AFG2A: variants seen among roughly 807,000 people sequenced by gnomAD.
AFG2A encodes the protein AAA ATPase AFG2A, also known as ATPase family gene 2 protein homolog A.
chr4:123,046,949 C>T, the AFG2A span, among the ~76,000 whole-genome samples: 356 of 152,212 alleles, frequency 2.3e-3, no homozygotes, highest in Non-Finnish European at 3.8e-3. Flanking sequence ...ATTTTATCTG[C>T]GTTGCTGCAG....
At chr4:123,048,984 A>G in the AFG2A span, among the ~76,000 whole-genome samples, 1 of 152,020 alleles carries the variant, frequency 6.6e-6, no homozygotes, top group Non-Finnish European at 1.5e-5. Context: ...GTTCCATATG[A>G]TAGTAGCTAT....
chr4:123,077,534 G>T, the AFG2A span, among the ~76,000 whole-genome samples: 2 of 152,168 alleles, frequency 1.3e-5, no homozygotes, highest in African/African-American at 4.8e-5. Context: ...TCACAGCACA[G>T]CAAGCAGCAA....
At chr4:123,302,083 G>A in the AFG2A span, among the ~76,000 whole-genome samples, 1 of 152,078 alleles carries the variant, frequency 6.6e-6, no homozygotes, top group Non-Finnish European at 1.5e-5. Flanking sequence ...GGAAACATGG[G>A]GAATATTAAA....
the AFG2A span, among the ~76,000 whole-genome samples, chr4:123,111,966 G>A: frequency 2.0e-5 from 3 of 152,168 alleles, no homozygotes; most frequent in Non-Finnish European, 4.4e-5. Flanking sequence ...CAGGTGATCC[G>A]CCTGCCTCAG....
At chr4:122,957,898 T>C in the AFG2A span, among the ~76,000 whole-genome samples, 1 of 151,668 alleles carries the variant, frequency 6.6e-6, no homozygotes, top group Admixed American at 6.6e-5. Flanking sequence ...TTCTGGTATA[T>C]TATAGGTGCT....
the AFG2A span, among the ~76,000 whole-genome samples, chr4:123,313,304 A>G: frequency 6.6e-6 from 1 of 152,176 alleles, no homozygotes; most frequent in Non-Finnish European, 1.5e-5. Flanking sequence ...CAGCTCTCCA[A>G]AGTAAATGTT....
At chr4:122,961,512 C>A in the AFG2A span, among the ~76,000 whole-genome samples, 3 of 152,070 alleles carry the variant, frequency 2.0e-5, no homozygotes, top group African/African-American at 7.2e-5. Context: ...GACAGATTTT[C>A]TTTCTTTTTG....
At chr4:123,006,307 C>T in the AFG2A span, among the ~76,000 whole-genome samples, 2 of 151,906 alleles carry the variant, frequency 1.3e-5, no homozygotes. Flanking sequence ...GTCCCCCGGC[C>T]CCACCTCATT....
the AFG2A span, among the ~76,000 whole-genome samples, chr4:122,938,869 A>G: frequency 1.3e-5 from 2 of 152,110 alleles, no homozygotes; most frequent in East Asian, 1.9e-4. Flanking sequence ...TGCTGGGATT[A>G]TAGGTGTGAG....
the AFG2A span, among the ~76,000 whole-genome samples, chr4:123,115,507 C>T: frequency 3.3e-5 from 5 of 152,142 alleles, no homozygotes; most frequent in African/African-American, 1.2e-4. Flanking sequence ...GGCCCACCTC[C>T]CTTCACTCTG....
At chr4:123,113,621 A>T in the AFG2A span, among the ~76,000 whole-genome samples, 1 of 152,136 alleles carries the variant, frequency 6.6e-6, no homozygotes, top group African/African-American at 2.4e-5. Flanking sequence ...GATGACTTGG[A>T]TTTTATTTTC....
chr4:123,132,940 C>T, the AFG2A span, among the ~76,000 whole-genome samples: 1 of 152,110 alleles, frequency 6.6e-6, no homozygotes, highest in Admixed American at 6.5e-5. Flanking sequence ...ACCACCACGC[C>T]CGGCTAATTT....
At chr4:123,219,836 A>G in the AFG2A span, among the ~76,000 whole-genome samples, 3,237 of 152,188 alleles carry the variant, frequency 0.021, 63 homozygotes, top group Non-Finnish European at 0.035. Context: ...CATTTGTTCA[A>G]TCTCTGAACT....
the AFG2A span, among the ~76,000 whole-genome samples, chr4:123,285,526 T>G: frequency 6.6e-6 from 1 of 152,132 alleles, no homozygotes; most frequent in African/African-American, 2.4e-5. Context: ...CTATGCCACC[T>G]CTGTGCCTTC....
the AFG2A span, chr4:122,929,314 G>C: frequency 3.4e-6 from 4 of 1,168,690 alleles, no homozygotes; most frequent in African/African-American, 6.3e-5. Context: ...TTAAAAAGTA[G>C]AGAGAAACAG....
At chr4:123,085,838 T>C in the AFG2A span, among the ~76,000 whole-genome samples, 13 of 152,224 alleles carry the variant, frequency 8.5e-5, no homozygotes, top group Admixed American at 2.0e-4. Context: ...TTATCTCTTT[T>C]CTTAGACTGT....
At chr4:123,312,586 C>A in the AFG2A span, among the ~76,000 whole-genome samples, 2 of 152,184 alleles carry the variant, frequency 1.3e-5, no homozygotes, top group African/African-American at 2.4e-5. Flanking sequence ...TTATCACATT[C>A]TTGTTTTCAA....
At chr4:123,135,029 G>A in the AFG2A span, among the ~76,000 whole-genome samples, 2 of 152,094 alleles carry the variant, frequency 1.3e-5, no homozygotes, top group Non-Finnish European at 2.9e-5. Flanking sequence ...GCAAACCATA[G>A]TCAATAGTAC....
the AFG2A span, among the ~76,000 whole-genome samples, chr4:123,039,066 C>T: frequency 5.9e-5 from 9 of 151,960 alleles, no homozygotes; most frequent in Admixed American, 4.6e-4. Context: ...ATGAAATGAC[C>T]ATAATCTTGT....
Sources: gnomAD v4.1 joint callset for allele counts (sites outside exome capture counted in the v4.1 genomes callset) on GRCh38, gnomAD v4.1.1 for gene constraint, MANE v1.5 for transcripts, NCBI Gene and HGNC (gene_info 2026-07-23, HGNC 2026-07-21) for gene names.